Variants in RAB31 observed in about 807,000 individuals in gnomAD.
RAB31 encodes ras-related protein Rab-31.
A neutral mutation model predicts 25.6 loss-of-function variants in RAB31; 21 were observed. That is an observed-to-expected ratio of 0.82 (90% confidence interval 0.58 to 1.18). RAB31 has a LOEUF of 1.18. Ranked by LOEUF, RAB31 falls within the 50% of genes most tolerant of loss-of-function variation. The pLI, the probability that RAB31 is intolerant of heterozygous loss-of-function variation, is 0.00. For missense variants in RAB31, 196 were observed against 250.1 expected (o/e 0.78, Z 1.46); for synonymous variants, 87 against 84.0 (o/e 1.04, Z -0.20).
chr18:9,750,351 G>A (rs545073381), intron 1 of RAB31, among the ~76,000 whole-genome samples: 11 of 152,312 alleles, frequency 7.2e-5, no homozygotes, highest in South Asian at 4.1e-4. Flanking sequence ...TGACCCTGGC[G>A]TTCTTGGCCG....
intron 1 of RAB31, among the ~76,000 whole-genome samples, chr18:9,709,082 C>G (rs965178652): frequency 2.6e-5 from 4 of 152,220 alleles, no homozygotes; most frequent in African/African-American, 9.6e-5. Context: ...GCAAACTTCC[C>G]TGCTGCGGGT....
intron 1 of RAB31, among the ~76,000 whole-genome samples, chr18:9,736,322 C>T (rs8087630): frequency 0.94 from 143,196 of 152,206 alleles, 67,450 homozygotes; most frequent in African/African-American, 0.97. Context: ...AACCTAAAAC[C>T]GTTGCCCTAG....
At chr18:9,793,127 G>T (rs1185384083) in intron 3 of RAB31, among the ~76,000 whole-genome samples, 2 of 152,176 alleles carry the variant, frequency 1.3e-5, no homozygotes, top group Admixed American at 6.5e-5. Flanking sequence ...AGGCTGGAGT[G>T]CAGTGGCACA....
At chr18:9,730,170 C>T (rs2068115483) in intron 1 of RAB31, among the ~76,000 whole-genome samples, 1 of 152,098 alleles carries the variant, frequency 6.6e-6, no homozygotes. Flanking sequence ...ACAACTTCTG[C>T]ATGTTATTTG....
At chr18:9,833,372 G>GC (rs1156797314) in intron 5 of RAB31, among the ~76,000 whole-genome samples, 2 of 152,162 alleles carry the variant, frequency 1.3e-5, no homozygotes, top group Non-Finnish European at 2.9e-5. Flanking sequence ...GGACGACAGG[G>GC]CCCCCAGAAG....
chr18:9,850,890 A>G (rs1308687371), intron 6 of RAB31, among the ~76,000 whole-genome samples: 5 of 135,512 alleles, frequency 3.7e-5, no homozygotes, highest in Non-Finnish European at 6.5e-5. Context: ...AAATAAATAA[A>G]TAAGGTAAAT....
intron 1 of RAB31, among the ~76,000 whole-genome samples, chr18:9,752,760 C>T (rs1027559964): frequency 5.9e-5 from 9 of 152,142 alleles, no homozygotes; most frequent in Admixed American, 3.3e-4. Context: ...CACACATATT[C>T]GAGGATGCAC....
intron 5 of RAB31, among the ~76,000 whole-genome samples, chr18:9,828,203 A>C (rs1346280023): frequency 6.6e-6 from 1 of 152,180 alleles, no homozygotes; most frequent in African/African-American, 2.4e-5. Context: ...ATAGTGGGAA[A>C]GATGGCGGGA....
Position 9,717,190 on chromosome 18 carries a change from C to T in RAB31, c.39+8746C>T, listed in dbSNP as rs200007852. On this transcript the variant is annotated intron_variant, in intron 1 of 6. Coordinates refer to ENST00000578921, the MANE Select transcript of RAB31 (RefSeq NM_006868.4). ...AACCTCCCAGTCTCAAGTGATCCTCCTGCTTCCGAAAAGTCGGATTTAACA... is the reference window on the plus strand; with the variant it reads ...AACCTCCCAGTCTCAAGTGATCCTCTTGCTTCCGAAAAGTCGGATTTAACA... 3.0e-4 allele frequency among the ~76,000 whole-genome samples: 45 copies of T among 152,290 alleles called. No homozygotes were observed. In the East Asian group the frequency reaches 6.9e-3, roughly 23 times the overall value.
At chr18:9,730,755 G>C (rs1159170138) in intron 1 of RAB31, among the ~76,000 whole-genome samples, 2 of 152,234 alleles carry the variant, frequency 1.3e-5, no homozygotes, top group Non-Finnish European at 2.9e-5. Flanking sequence ...ATTCTGTATT[G>C]TCAATGTGAG....
chr18:9,839,278 C>A (rs1279825696), intron 5 of RAB31, among the ~76,000 whole-genome samples: 1 of 152,206 alleles, frequency 6.6e-6, no homozygotes, highest in African/African-American at 2.4e-5. Context: ...CCATCACCAG[C>A]AGCTGATTTA....
At chr18:9,791,998 T>G (rs73385045) in intron 2 of RAB31, among the ~76,000 whole-genome samples, 156 bp from the exon 3 acceptor site, 1 of 152,202 alleles carries the variant, frequency 6.6e-6, no homozygotes, top group Non-Finnish European at 1.5e-5. Context: ...TTATTTTGGG[T>G]GTCATGAGTC....
chr18:9,784,614 G>C (rs1234289509), intron 2 of RAB31, among the ~76,000 whole-genome samples: 2 of 149,174 alleles, frequency 1.3e-5, no homozygotes, highest in Non-Finnish European at 3.0e-5. Context: ...GTATAGTGGT[G>C]TGATCTCAGC....
chr18:9,847,734 A>G (rs2068768813), intron 6 of RAB31, among the ~76,000 whole-genome samples: 1 of 152,026 alleles, frequency 6.6e-6, no homozygotes, highest in South Asian at 2.1e-4. Context: ...CACCACACTC[A>G]GCTAAATTTT....
At chr18:9,720,032 C>T (rs938006160) in intron 1 of RAB31, among the ~76,000 whole-genome samples, 5 of 152,044 alleles carry the variant, frequency 3.3e-5, no homozygotes, top group South Asian at 2.1e-4. Flanking sequence ...GGCACAATCT[C>T]GGCTCACTGC....
intron 3 of RAB31, among the ~76,000 whole-genome samples, chr18:9,801,923 T>G (rs997862318): frequency 4.6e-5 from 7 of 152,194 alleles, no homozygotes; most frequent in Admixed American, 6.5e-5. Context: ...CCAACACAGT[T>G]TATTGAAAAG....
chr18:9,765,584 G>T (rs890402731), intron 1 of RAB31, among the ~76,000 whole-genome samples: 2 of 152,186 alleles, frequency 1.3e-5, no homozygotes, highest in Non-Finnish European at 2.9e-5. Context: ...TCCCTCTGGT[G>T]AAAAGTGCTT....
At chr18:9,769,559 G>A (rs1463020013) in intron 1 of RAB31, among the ~76,000 whole-genome samples, 2 of 152,222 alleles carry the variant, frequency 1.3e-5, no homozygotes, top group Non-Finnish European at 2.9e-5. Flanking sequence ...CTTTGCTGAA[G>A]TTGCTTATCA....
At chr18:9,806,422 A>T (rs1226687829) in intron 3 of RAB31, among the ~76,000 whole-genome samples, 1 of 151,882 alleles carries the variant, frequency 6.6e-6, no homozygotes, top group Non-Finnish European at 1.5e-5. Flanking sequence ...GAAGTGAGGG[A>T]GGGGCCTTGA....
Sources: allele counts gnomAD v4.1 joint callset (sites outside exome capture counted in the v4.1 genomes callset), GRCh38; gene constraint gnomAD v4.1.1; transcripts MANE v1.5; gene names NCBI Gene and HGNC (gene_info 2026-07-23, HGNC 2026-07-21).